The following DDAH1 variants were observed in gnomAD, a reference collection of about 807,000 sequenced individuals.
The protein encoded by DDAH1 is N(G),N(G)-dimethylarginine dimethylaminohydrolase 1.
In DDAH1, 19 loss-of-function variants were observed where a neutral mutation model predicts 28.8. The observed-to-expected ratio is 0.66, with a 90% confidence interval of 0.46 to 0.97. The LOEUF (loss-of-function observed/expected upper bound fraction) is 0.97. DDAH1 is among the 50% of genes least tolerant of loss of function. The probability of loss-of-function intolerance (pLI) is 0.00; values close to 1 mark genes in which losing one functional copy is unlikely to be tolerated. For missense variants in DDAH1, 326 were observed against 375.9 expected, an observed-to-expected ratio of 0.87 and a Z score of 1.10; for synonymous variants, 153 against 154.4, an observed-to-expected ratio of 0.99 and a Z score of 0.07.
intron 1 of DDAH1, among the ~76,000 whole-genome samples, chr1:85,442,154 A>G (rs1351701091): frequency 6.6e-6 from 1 of 152,012 alleles, no homozygotes; most frequent in African/African-American, 2.4e-5. Flanking sequence ...CATTAGGTAT[A>G]TCTCCTAATG....
At chr1:85,429,123 G>C (rs7520420) in intron 1 of DDAH1, among the ~76,000 whole-genome samples, 1 of 151,876 alleles carries the variant, frequency 6.6e-6, no homozygotes, top group Non-Finnish European at 1.5e-5. Flanking sequence ...CCAACAACCC[G>C]TCATCTACAT....
intron 1 of DDAH1, among the ~76,000 whole-genome samples, chr1:85,577,355 T>C (rs1659643396): frequency 6.6e-6 from 1 of 151,716 alleles, no homozygotes; most frequent in Non-Finnish European, 1.5e-5. Flanking sequence ...AGGAGAGAAA[T>C]GGGATGGTAC....
rs776328065 is a variant in DDAH1, at chr1:85,324,854, G to A, written c.627C>T (p.Tyr209=). 18 of 1,613,928 alleles carry A rather than the reference G, an allele frequency of 1.1e-5. No homozygotes were observed. The highest frequency in any genetic ancestry group is 1.1e-4 in the East Asian group (5 of 44,886). The change falls in exon 5 of 6, where the codon TAC becomes TAT. Residue 209 remains tyrosine (Y), a synonymous_variant. Transcript: ENST00000284031. ...TGTCATCAGGCACAGTGAGTTTGTC[G>A]TAGCGGTGGTCACTCATCTGTTGCA... is the stretch of plus-strand genomic sequence containing the variant. ...KIMQQMSDHR[Y]DKLTVPDDIA... is the part of the protein sequence containing the mutation.
At chr1:85,561,456 C>T (rs182833583) in intron 1 of DDAH1, among the ~76,000 whole-genome samples, 2 of 152,138 alleles carry the variant, frequency 1.3e-5, no homozygotes, top group African/African-American at 2.4e-5. Flanking sequence ...AGAAGAGCTA[C>T]TTTAGTTCTA....
intron 1 of DDAH1, among the ~76,000 whole-genome samples, chr1:85,394,529 G>A (rs1271443748): frequency 6.6e-6 from 1 of 152,202 alleles, no homozygotes; most frequent in East Asian, 1.9e-4. Context: ...TTCAGTTCAT[G>A]TGACAGGTAA....
chr1:85,334,466 T>C (rs139317677), intron 4 of DDAH1, among the ~76,000 whole-genome samples: 18 of 152,332 alleles, frequency 1.2e-4, no homozygotes, highest in South Asian at 2.1e-4. Context: ...TCATGTTGAA[T>C]TGTAATTCCC....
At chr1:85,446,193 T>A (rs1024247245) in intron 1 of DDAH1, among the ~76,000 whole-genome samples, 1 of 152,148 alleles carries the variant, frequency 6.6e-6, no homozygotes, top group Admixed American at 6.5e-5. Flanking sequence ...AGAGGTTTAA[T>A]TGACTCACTG....
chr1:85,560,780 A>C (rs1279133268), intron 1 of DDAH1, among the ~76,000 whole-genome samples: 1 of 152,102 alleles, frequency 6.6e-6, no homozygotes, highest in Non-Finnish European at 1.5e-5. Flanking sequence ...CTTATAAGAA[A>C]CTGGCAACCT....
intron 1 of DDAH1, among the ~76,000 whole-genome samples, chr1:85,506,585 T>C (rs1455593436): frequency 6.6e-6 from 1 of 152,208 alleles, no homozygotes; most frequent in African/African-American, 2.4e-5. Context: ...TAAACTCTTT[T>C]ATTCCCAGCC....
intron 1 of DDAH1, among the ~76,000 whole-genome samples, chr1:85,427,734 A>G (rs899302789): frequency 6.6e-6 from 1 of 152,254 alleles, no homozygotes; most frequent in African/African-American, 2.4e-5. Context: ...AGAGAGAAAG[A>G]AAGAGGGATA....
chr1:85,450,078 C>G (rs562324170), intron 1 of DDAH1, among the ~76,000 whole-genome samples: 183 of 152,290 alleles, frequency 1.2e-3, no homozygotes, highest in African/African-American at 4.2e-3. Context: ...CAAGTAAGGT[C>G]TCTTATTGAC....
intron 1 of DDAH1, among the ~76,000 whole-genome samples, chr1:85,393,855 G>T (rs1651678190): frequency 1.3e-5 from 2 of 152,116 alleles, no homozygotes. Flanking sequence ...ATTTAAAACA[G>T]CAGAACAGGT....
intron 1 of DDAH1, among the ~76,000 whole-genome samples, chr1:85,570,364 T>TCACACA (rs35259175): frequency 0.31 from 44,664 of 145,300 alleles, 7,612 homozygotes; most frequent in Non-Finnish European, 0.38. Flanking sequence ...ACACACACTG[T>TCACACA]CACACACACA....
intron 1 of DDAH1, among the ~76,000 whole-genome samples, chr1:85,573,357 G>T (rs1396141294): frequency 1.3e-5 from 2 of 152,188 alleles, no homozygotes; most frequent in Non-Finnish European, 2.9e-5. Flanking sequence ...AACACGAAAG[G>T]CAGAGGTTAA....
intron 1 of DDAH1, among the ~76,000 whole-genome samples, chr1:85,383,377 G>C (rs1156758208): frequency 6.6e-6 from 1 of 152,212 alleles, no homozygotes; most frequent in African/African-American, 2.4e-5. Flanking sequence ...TGACTGAATT[G>C]CTGCAATCTC....
chr1:85,520,726 G>T (rs1657654639), intron 1 of DDAH1, among the ~76,000 whole-genome samples: 1 of 152,198 alleles, frequency 6.6e-6, no homozygotes, highest in Admixed American at 6.5e-5. Context: ...CCTCATTACT[G>T]AACGCAGGGG....
At chr1:85,558,620 G>A (rs1659051966) in intron 1 of DDAH1, among the ~76,000 whole-genome samples, 1 of 151,978 alleles carries the variant, frequency 6.6e-6, no homozygotes, top group South Asian at 2.1e-4. Context: ...TCTGAGTAAA[G>A]CCTCTTTCTT....
intron 1 of DDAH1, among the ~76,000 whole-genome samples, chr1:85,362,973 C>G (rs1557524526): frequency 6.6e-6 from 1 of 152,188 alleles, no homozygotes; most frequent in Non-Finnish European, 1.5e-5. Flanking sequence ...AAACCCAAAA[C>G]TCTCCCTAAT....
chr1:85,342,261 G>T (rs145704994), intron 4 of DDAH1, among the ~76,000 whole-genome samples: 45 of 152,210 alleles, frequency 3.0e-4, no homozygotes, highest in Non-Finnish European at 5.9e-4. Context: ...ATCAACATAT[G>T]ATTATTATTT....
Sources: allele counts gnomAD v4.1 joint callset (sites outside exome capture counted in the v4.1 genomes callset), GRCh38; gene constraint gnomAD v4.1.1; transcripts MANE v1.5; gene names NCBI Gene and HGNC (gene_info 2026-07-23, HGNC 2026-07-21).